RPS6KA1: variants seen among roughly 807,000 people sequenced by gnomAD.
The protein encoded by RPS6KA1 is ribosomal protein S6 kinase alpha-1.
In RPS6KA1, 48 loss-of-function variants were observed where a neutral mutation model predicts 91.3. That is an observed-to-expected ratio of 0.53 (90% CI 0.42 to 0.67). The LOEUF is 0.67. RPS6KA1 is among the 30% of genes least tolerant of loss of function. The probability of loss-of-function intolerance (pLI) is 0.00; values close to 1 mark genes in which losing one functional copy is unlikely to be tolerated. For synonymous variants in RPS6KA1, 359 were observed against 384.7 expected (o/e 0.93, Z 0.78); for missense variants, 719 against 960.5 (o/e 0.75, Z 3.32).
Position 26,555,318 on chromosome 1 carries a change from C to T in RPS6KA1, c.827+97C>T, listed in dbSNP as rs1262104314. On this transcript the variant is annotated intron_variant, in intron 10 of 21. Coordinates refer to ENST00000374168, the MANE Select transcript of RPS6KA1 (RefSeq NM_002953.4). This position sits in a 1 kb window ranked among gnomAD's most constrained non-coding sequence, Gnocchi z 4.3. ...TATTACCCTGTCCCTGCCTCAGCTA[C>T]CCTCTCTAATGAGACTCTCCTCTGG... 13 of 1,211,960 alleles carry T rather than the reference C, an allele frequency of 1.1e-5. No individual in the cohort carries two copies. The highest frequency in any genetic ancestry group is 1.4e-5 in the Non-Finnish European group (12 of 838,092). The allele number at this position is 1,211,960 out of a possible 1,614,324, so 75.1% of individuals were successfully genotyped here.
At position 26,574,836 on chromosome 1, in the gene RPS6KA1, G is replaced by A; in HGVS notation, c.*635G>A. 4.5e-6 allele frequency: 1 copy of A among 224,056 alleles called. No individual in the cohort carries two copies. The highest frequency in any genetic ancestry group is 5.3e-5 in the South Asian group (1 of 18,718). 13.9% of individuals were successfully genotyped at this position (224,056 alleles called of 1,614,324 possible). ...CTGCCAGTGGATCCCCTGCGGTCAGGCTGGGCAGCCCCAGAGAGAGGATGT... is the reference window on the plus strand; with the variant it reads ...CTGCCAGTGGATCCCCTGCGGTCAGACTGGGCAGCCCCAGAGAGAGGATGT... On this transcript the variant is annotated 3_prime_UTR_variant, in exon 22 of 22. Transcript: ENST00000374168. This position sits in a 1 kb window ranked among gnomAD's most constrained non-coding sequence, Gnocchi z 4.3.
rs756909196 is a variant in RPS6KA1, at chr1:26,561,507, G to A, written c.1434G>A (p.Val478=). The A allele has an allele frequency of 1.1e-5, 18 of 1,614,080 alleles. No homozygotes were observed. Among genetic ancestry groups the A allele is most frequent in the Middle Eastern group, 1.6e-4 (1 of 6,084 alleles). Residue 478 remains valine (V), a splice_region_variant and synonymous_variant, in exon 17 of 22, where the codon GTG becomes GTA. Coordinates refer to ENST00000374168, the MANE Select transcript of RPS6KA1 (RefSeq NM_002953.4). The surrounding 1 kb of genome is among the most constrained non-coding windows in gnomAD (Gnocchi z 5.7). ...QHPNIITLKD[V]YDDGKHVYLV... ...CCTGATGGTGAGGTCTTCGGCAGGT[G>A]TATGATGATGGCAAACACGTGTACC...
At chr1:26,556,966 A>G (rs755186952) in intron 12 of RPS6KA1, 32 bp from the exon 13 acceptor site, 63 of 1,542,290 alleles carry the variant, frequency 4.1e-5, no homozygotes, top group Non-Finnish European at 5.7e-5. Flanking sequence ...TGAGGATGCC[A>G]TGGTGACCAG....
chr1:26,546,876 G>C lies in RPS6KA1; in HGVS notation c.118G>C (p.Val40Leu). 1 of 1,613,840 alleles carries C rather than the reference G, an allele frequency of 6.2e-7. No individual in the cohort carries two copies. The highest frequency in any genetic ancestry group is 8.5e-7 in the Non-Finnish European group (1 of 1,179,796). Residue 40 changes from valine to leucine, a missense_variant, in exon 3 of 22, where the codon GTC (valine) becomes CTC (leucine). Physicochemically the swap from Val to Leu is conservative, Grantham distance 32. Transcript: ENST00000374168. ...AGLQPSKDEG[V>L]LKEISITHHV... ...TCTGTCCCTCCATCAGGATGAGGGC[G>C]TCCTCAAGGAGATCTCCATCACGCA...
chr1:26,534,186 C>T (rs185734010), intron 1 of RPS6KA1, among the ~76,000 whole-genome samples: 14 of 152,336 alleles, frequency 9.2e-5, no homozygotes, highest in Admixed American at 2.0e-4. Flanking sequence ...TGAGGGACCT[C>T]GGTGAGTCCC....
chr1:26,534,825 A>G (rs2075894749), intron 1 of RPS6KA1, among the ~76,000 whole-genome samples: 1 of 152,132 alleles, frequency 6.6e-6, no homozygotes, highest in Admixed American at 6.6e-5. Flanking sequence ...ATTCCTAGTT[A>G]TTGTGCTGGG....
At chr1:26,531,824 T>TG (rs1424050801) in intron 1 of RPS6KA1, among the ~76,000 whole-genome samples, 11 of 152,126 alleles carry the variant, frequency 7.2e-5, no homozygotes, top group Non-Finnish European at 1.3e-4. Context: ...TGGGTACTGT[T>TG]GTCTGGTCCC....
chr1:26,545,506 C>T (rs1307976145), intron 2 of RPS6KA1, among the ~76,000 whole-genome samples: 2 of 152,250 alleles, frequency 1.3e-5, no homozygotes, highest in Admixed American at 1.3e-4. Context: ...CCTGCTTCTG[C>T]CTGTTGGGTG....
rs777854480 is a variant in RPS6KA1, at chr1:26,571,531, T to G, written c.1673T>G (p.Phe558Cys). Residue 558 changes from phenylalanine (F) to cysteine (C), a missense_variant, in exon 18 of 22, where the codon TTT (phenylalanine) becomes TGT (cysteine). This residue lies in a region of RPS6KA1 where 249 missense variants were observed against 323.1 expected (regional missense o/e 0.77). Transcript: ENST00000374168. The surrounding 1 kb of genome is among the most constrained non-coding windows in gnomAD (Gnocchi z 5.1). ...GNPECLRICD[F>C]GFAKQLRAEN... is the part of the protein sequence containing the mutation. ...CCCGAGTGCCTGCGCATCTGTGACTTTGGTTTTGCCAAACAGCTGCGGGCT... is the reference window on the plus strand; with the variant it reads ...CCCGAGTGCCTGCGCATCTGTGACTGTGGTTTTGCCAAACAGCTGCGGGCT... 2 of 1,614,218 alleles carry G rather than the reference T, an allele frequency of 1.2e-6. No homozygotes were observed. The highest frequency in any genetic ancestry group is 1.1e-5 in the South Asian group (1 of 91,090).
chr1:26,572,008 T>C, intron 19 of RPS6KA1, 83 bp downstream of exon 19: 2 of 1,454,966 alleles, frequency 1.4e-6, no homozygotes, highest in East Asian at 2.3e-5. Context: ...TAGGAATGGC[T>C]CAGCCAGCCC....
At position 26,558,886 on chromosome 1, in the gene RPS6KA1, A is replaced by C. The variant is rs1320713546; in HGVS notation, c.1164A>C (p.Glu388Asp). Residue 388 changes from glutamate (E) to aspartate (D), a missense_variant, in exon 14 of 22, where the codon GAA (glutamate) becomes GAC (aspartate). Physicochemically the swap from Glu to Asp is conservative, Grantham distance 45. This residue lies in a region of RPS6KA1 where 228 missense variants were observed against 247.6 expected (regional missense o/e 0.92). Transcript: ENST00000374168. This position sits in a 1 kb window ranked among gnomAD's most constrained non-coding sequence, Gnocchi z 4.0. ...GFSFVATGLM[E>D]DDGKPRAPQA... ...GCTTCGTGGCCACCGGCCTGATGGAAGACGACGGCAAGCCTCGTGCCCCGC... is the reference window on the plus strand; with the variant it reads ...GCTTCGTGGCCACCGGCCTGATGGACGACGACGGCAAGCCTCGTGCCCCGC... 1 of 1,613,774 alleles carries C rather than the reference A, an allele frequency of 6.2e-7. No individual in the cohort carries two copies. The highest frequency in any genetic ancestry group is 8.5e-7 in the Non-Finnish European group (1 of 1,179,750).
At position 26,530,935 on chromosome 1, in the gene RPS6KA1, G is replaced by T; in HGVS notation, c.63+952G>T. Reference sequence around the variant, plus strand: ...TCTCCTTCCCAGGTGGTTGTTGGGGGTATGCAGGGAGGGAATGGAGACCTC... The same window carrying T: ...TCTCCTTCCCAGGTGGTTGTTGGGGTTATGCAGGGAGGGAATGGAGACCTC... On this transcript the variant is annotated intron_variant, in intron 1 of 21. Coordinates refer to ENST00000374168, the MANE Select transcript of RPS6KA1 (RefSeq NM_002953.4). 2.5e-6 allele frequency: 3 copies of T among 1,202,086 alleles called. No individual in the cohort carries two copies. The South Asian group carries it at 4.3e-5, about 17-fold the overall frequency. 74.5% of individuals were successfully genotyped at this position (1,202,086 alleles called of 1,614,324 possible). A position where few individuals can be genotyped will look rare whatever the true frequency, so the allele number is the denominator to read the frequency against.
Position 26,558,729 on chromosome 1 carries a change from T to G in RPS6KA1, c.1085-78T>G, listed in dbSNP as rs1570449239. 1 of 1,521,568 alleles carries G rather than the reference T, an allele frequency of 6.6e-7. No homozygotes were observed. Among genetic ancestry groups the G allele is most frequent in the Non-Finnish European group, 8.9e-7 (1 of 1,120,824 alleles). The allele number at this position is 1,521,568 out of a possible 1,614,324, so 94.3% of individuals were successfully genotyped here. Reference sequence around the variant, plus strand: ...CCCTGAGGCAGGTCTGGAGGCCCTGTGCTCCCCCTTTGCTGGGCTGCCTCA... The same window carrying G: ...CCCTGAGGCAGGTCTGGAGGCCCTGGGCTCCCCCTTTGCTGGGCTGCCTCA... On this transcript the variant is annotated intron_variant, in intron 13 of 21. Transcript: ENST00000374168. This position sits in a 1 kb window ranked among gnomAD's most constrained non-coding sequence, Gnocchi z 4.0.
In RPS6KA1 at chr1:26,574,189, C is replaced by T. The variant is rs2076276403; in HGVS notation, c.2196C>T (p.Ser732=). 10 of 1,614,122 alleles carry T rather than the reference C, an allele frequency of 6.2e-6. No individual in the cohort carries two copies. The highest frequency in any genetic ancestry group is 8.5e-6 in the Non-Finnish European group (10 of 1,180,024). ...AGCGGCGAGTGAGGAAGTTGCCATCCACCACCCTGTGAGGCACCAGGGCAT... is the reference window on the plus strand; with the variant it reads ...AGCGGCGAGTGAGGAAGTTGCCATCTACCACCCTGTGAGGCACCAGGGCAT... ...LAQRRVRKLP[S]TTL The change falls in exon 22 of 22, where the codon TCC becomes TCT. Residue 732 remains serine, a synonymous_variant. Coordinates refer to ENST00000374168, the MANE Select transcript of RPS6KA1 (RefSeq NM_002953.4). This position sits in a 1 kb window ranked among gnomAD's most constrained non-coding sequence, Gnocchi z 4.3.
At chr1:26,532,574 C>G (rs913194707) in intron 1 of RPS6KA1, among the ~76,000 whole-genome samples, 3 of 152,196 alleles carry the variant, frequency 2.0e-5, no homozygotes, top group Non-Finnish European at 4.4e-5. Flanking sequence ...TTGCCGAGGG[C>G]TGGCAGTGCC....
Position 26,529,914 on chromosome 1 carries a change from C to T in RPS6KA1, c.-7C>T, listed in dbSNP as rs1399648293. On this transcript the variant is annotated 5_prime_UTR_variant, in exon 1 of 22. Transcript: ENST00000374168. The surrounding 1 kb of genome is among the most constrained non-coding windows in gnomAD (Gnocchi z 4.2). ...CGGAGGAGCGCGGGTGACCTGGCGGCGGCGAGATGCCGCTCGCCCAGCTCA... is the reference window on the plus strand; with the variant it reads ...CGGAGGAGCGCGGGTGACCTGGCGGTGGCGAGATGCCGCTCGCCCAGCTCA... The T allele has an allele frequency of 9.1e-6, 13 of 1,424,876 alleles. 1 individual carries two copies. In the African/African-American group the frequency reaches 1.6e-4, roughly 18 times the overall value. 88.3% of individuals were successfully genotyped at this position (1,424,876 alleles called of 1,614,324 possible).
chr1:26,555,394 G>A lies in RPS6KA1; in HGVS notation c.828-143G>A. On this transcript the variant is annotated intron_variant, in intron 10 of 21. Coordinates refer to ENST00000374168, the MANE Select transcript of RPS6KA1 (RefSeq NM_002953.4). The surrounding 1 kb of genome is among the most constrained non-coding windows in gnomAD (Gnocchi z 4.3). Reference sequence around the variant, plus strand: ...CCTCTTTCATCCCTGGGGGCCTGTGGGTAGGATCCCTGAAGCCTTTGGGAA... The same window carrying A: ...CCTCTTTCATCCCTGGGGGCCTGTGAGTAGGATCCCTGAAGCCTTTGGGAA... The A allele has an allele frequency of 9.8e-7, 1 of 1,017,144 alleles. No homozygotes were observed. The highest frequency in any genetic ancestry group is 1.5e-6 in the Non-Finnish European group (1 of 678,000). The allele number at this position is 1,017,144 out of a possible 1,614,324, so 63.0% of individuals were successfully genotyped here.
At chr1:26,530,579 G>C (rs762732327) in intron 1 of RPS6KA1, among the ~76,000 whole-genome samples, 1 of 152,198 alleles carries the variant, frequency 6.6e-6, no homozygotes, top group South Asian at 2.1e-4. Flanking sequence ...GACGAGAGTG[G>C]GGAAGAGCCC....
rs371340177 is a variant in RPS6KA1 at position 26,566,279 on chromosome 1, C to CTTTTTTT, written c.1590+4632_1590+4638dup. On this transcript the variant is annotated intron_variant, in intron 17 of 21. Transcript: ENST00000374168. ...GGTGTGGAGTGGTATCTCATTGTAG[C>CTTTTTTT]TTTTTTTTTTTTTTTTTTTTTTGAG... Among the ~76,000 whole-genome samples the CTTTTTTT allele has an allele frequency of 5.1e-5, 5 of 97,948 alleles. 1 individual carries two copies. The highest frequency in any genetic ancestry group is 4.1e-4 in the East Asian group (1 of 2,458). The allele number at this position is 97,948 out of a possible 152,430, so 64.3% of individuals were successfully genotyped here.
Sources: gnomAD v4.1 joint callset for allele counts (sites outside exome capture counted in the v4.1 genomes callset) on GRCh38, gnomAD v4.1.1 for gene constraint, gnomAD v4.1.1 regional missense constraint, Gnocchi (gnomAD v3.1) non-coding constraint, MANE v1.5 for transcripts, NCBI Gene and HGNC (gene_info 2026-07-23, HGNC 2026-07-21) for gene names.